PCDHA4: variants seen among roughly 807,000 people sequenced by gnomAD.
PCDHA4 encodes protocadherin alpha 4.
A neutral mutation model predicts 61.4 loss-of-function variants in PCDHA4; 49 were observed. The observed-to-expected ratio is 0.80, with a 90% CI of 0.63 to 1.01. The LOEUF is 1.01. Among genes scored for constraint, PCDHA4 ranks in the 50% least tolerant of loss-of-function variants. The pLI is 0.00. For missense variants in PCDHA4, 1,254 were observed against 1,235.8 expected, an observed-to-expected ratio of 1.01 and a Z score of -0.22; for synonymous variants, 590 against 550.3, an observed-to-expected ratio of 1.07 and a Z score of -1.01.
chr5:140,885,861 A>G (rs1329895164), intron 1 of PCDHA4, among the ~76,000 whole-genome samples: 1 of 152,104 alleles, frequency 6.6e-6, no homozygotes, highest in African/African-American at 2.4e-5. Context: ...CTACTTTTCT[A>G]TTGAAAAAAA....
At chr5:140,933,988 G>C (rs1156532752) in intron 1 of PCDHA4, among the ~76,000 whole-genome samples, 1 of 151,832 alleles carries the variant, frequency 6.6e-6, no homozygotes, top group Non-Finnish European at 1.5e-5. Context: ...CCTGGTGTTA[G>C]TGTCACCTCT....
At chr5:140,831,833 A>G (rs2150197532) in intron 1 of PCDHA4, among the ~76,000 whole-genome samples, 10 of 152,180 alleles carry the variant, frequency 6.6e-5, no homozygotes, top group Non-Finnish European at 7.3e-5. Context: ...ACTAGTTTCA[A>G]TGATAGAATT....
rs782603246 is a variant in PCDHA4, at chr5:140,883,847, G to T, written c.2385+74275G>T. On this transcript the variant is annotated intron_variant, in intron 1 of 3. Transcript: ENST00000530339. ...CGCGCTGCAGCCGTTGGACCACGAGGAGCTGGAGCTGTTGCAGTTCCAGGT... is the reference window on the plus strand; with the variant it reads ...CGCGCTGCAGCCGTTGGACCACGAGTAGCTGGAGCTGTTGCAGTTCCAGGT... 4.3e-6 allele frequency: 7 copies of T among 1,612,760 alleles called. No individual in the cohort carries two copies. The East Asian group carries it at 1.3e-4, about 31-fold the overall frequency.
intron 1 of PCDHA4, among the ~76,000 whole-genome samples, chr5:140,831,997 T>C (rs1771794062): frequency 6.6e-6 from 1 of 152,244 alleles, no homozygotes; most frequent in African/African-American, 2.4e-5. Flanking sequence ...GGATTCCATA[T>C]TGTTTTCATT....
chr5:140,877,338 C>G (rs1554169617), intron 1 of PCDHA4: 2 of 1,614,012 alleles, frequency 1.2e-6, no homozygotes, highest in South Asian at 2.2e-5. Flanking sequence ...ACATCCCGTT[C>G]CACGTGGGGC....
At chr5:140,959,567 T>A (rs2095496193) in intron 1 of PCDHA4, among the ~76,000 whole-genome samples, 1 of 152,208 alleles carries the variant, frequency 6.6e-6, no homozygotes, top group Non-Finnish European at 1.5e-5. Context: ...AGTACTAGAT[T>A]TTTTGTTTCA....
At chr5:140,941,317 CTCT>C (rs2093029316) in intron 1 of PCDHA4, among the ~76,000 whole-genome samples, 2 of 99,150 alleles carry the variant, frequency 2.0e-5, no homozygotes, top group Non-Finnish European at 4.2e-5. Flanking sequence ...TTTCTTCTTT[CTCT>C]TTTTTTTTTT....
chr5:140,835,632 A>G (rs2150240011), intron 1 of PCDHA4: 1 of 1,613,722 alleles, frequency 6.2e-7, no homozygotes. Flanking sequence ...GGACCGCGAG[A>G]GTGTGTCCGC....
Position 140,978,996 on chromosome 5 carries a change from A to C in PCDHA4, c.2433A>C (p.Ala811=). Residue 811 remains alanine, a synonymous_variant, in exon 2 of 4, where the codon GCA becomes GCC. Transcript: ENST00000530339. ...GGCGTTACTCTGCCTCCCTGAGAGC[A>C]GGCATGCACAGGTATGTATTTCCCT... ...PDWRYSASLR[A]GMHSSVHLEE... is the part of the protein sequence containing the mutation. 6.2e-7 allele frequency: 1 copy of C among 1,614,186 alleles called. No individual in the cohort carries two copies. The highest frequency in any genetic ancestry group is 8.5e-7 in the Non-Finnish European group (1 of 1,180,024).
intron 1 of PCDHA4, chr5:140,876,498 C>A: frequency 6.2e-7 from 1 of 1,613,918 alleles, no homozygotes; most frequent in East Asian, 2.2e-5. Context: ...AAGTTCTGGA[C>A]GTGAATGACA....
chr5:140,850,927 T>C, intron 1 of PCDHA4: 1 of 1,521,264 alleles, frequency 6.6e-7, no homozygotes, highest in Non-Finnish European at 8.8e-7. Flanking sequence ...TATATAATTT[T>C]TTTTCTTGAA....
At chr5:140,949,237 A>G (rs1239213091) in intron 1 of PCDHA4, among the ~76,000 whole-genome samples, 1 of 151,790 alleles carries the variant, frequency 6.6e-6, no homozygotes, top group South Asian at 2.1e-4. Context: ...GTGGCCCAGC[A>G]ACAGTCTATC....
chr5:140,849,642 G>T (rs2150443693), intron 1 of PCDHA4: 2 of 1,598,700 alleles, frequency 1.3e-6, no homozygotes, highest in Non-Finnish European at 1.7e-6. Flanking sequence ...AGATGCCAAC[G>T]GGCAGGTTAC....
At chr5:140,830,650 A>G (rs1771186234) in intron 1 of PCDHA4, 2 of 455,226 alleles carry the variant, frequency 4.4e-6, no homozygotes, top group East Asian at 4.5e-5. Flanking sequence ...CTTCTTTAAT[A>G]TTCATAATTT....
Position 140,978,986 on chromosome 5 carries a change from C to A in PCDHA4, c.2423C>A (p.Ser808Tyr). The change falls in exon 2 of 4, where the codon TCC becomes TAC. Residue 808 changes from serine (S) to tyrosine (Y), a missense_variant. Ser to Tyr is a moderately radical substitution (Grantham distance 144). Coordinates refer to ENST00000530339, the MANE Select transcript of PCDHA4 (RefSeq NM_018907.4). ...AACCCTGACTGGCGTTACTCTGCCT[C>A]CCTGAGAGCAGGCATGCACAGGTAT... ...QPNPDWRYSA[S>Y]LRAGMHSSVH... is the part of the protein sequence containing the mutation. The A allele has an allele frequency of 6.2e-7, 1 of 1,614,190 alleles. No homozygotes were observed. The highest frequency in any genetic ancestry group is 1.7e-5 in the Admixed American group (1 of 60,026).
intron 1 of PCDHA4, among the ~76,000 whole-genome samples, chr5:140,895,833 C>G (rs1325973837): frequency 2.0e-5 from 3 of 152,038 alleles, no homozygotes; most frequent in Non-Finnish European, 2.9e-5. Context: ...TTTTTTCAGA[C>G]AAAGTCTCAC....
chr5:140,843,123 C>T lies in PCDHA4; in HGVS notation c.2385+33551C>T, dbSNP rs2150353254. ...AAGGTGCGCGCAGTGGACGCCGACT[C>T]GGGCTACAACGCGTGGCTTTCGTAT... On this transcript the variant is annotated intron_variant, in intron 1 of 3. Transcript: ENST00000530339. 18 of 1,595,788 alleles carry T rather than the reference C, an allele frequency of 1.1e-5. No homozygotes were observed. The East Asian group carries it at 3.6e-4, about 32-fold the overall frequency.
At position 140,910,081 on chromosome 5, in the gene PCDHA4, A is replaced by G. The variant is rs183187398; in HGVS notation, c.2386-68868A>G. 2.8e-3 allele frequency among the ~76,000 whole-genome samples: 421 copies of G among 152,330 alleles called. 2 individuals are homozygous for G. Among genetic ancestry groups the G allele is most frequent in the Middle Eastern group, 0.014 (4 of 294 alleles). On this transcript the variant is annotated intron_variant, in intron 1 of 3. Coordinates refer to ENST00000530339, the MANE Select transcript of PCDHA4 (RefSeq NM_018907.4). Reference sequence around the variant, plus strand: ...CTTTTAACAGCGTAAATTGTTGTCAAGGGGAACCAGCCTCCCCTTCATTTA... The same window carrying G: ...CTTTTAACAGCGTAAATTGTTGTCAGGGGGAACCAGCCTCCCCTTCATTTA...
intron 1 of PCDHA4, among the ~76,000 whole-genome samples, chr5:140,943,702 G>C (rs2153663732): frequency 6.6e-6 from 1 of 152,280 alleles, no homozygotes; most frequent in South Asian, 2.1e-4. Context: ...AAATATTGTG[G>C]AACACATTTA....
Sources: gnomAD v4.1 joint callset for allele counts (sites outside exome capture counted in the v4.1 genomes callset) on GRCh38, gnomAD v4.1.1 for gene constraint, MANE v1.5 for transcripts, NCBI Gene and HGNC (gene_info 2026-07-23, HGNC 2026-07-21) for gene names.